LRRIQ3: variants seen among roughly 807,000 people sequenced by gnomAD.
LRRIQ3 encodes leucine rich repeats and IQ motif containing 3.
A neutral mutation model predicts 59.3 loss-of-function variants in LRRIQ3; 75 were observed. The ratio of observed to expected loss-of-function variants is 1.26; its 90% CI spans 1.05 to 1.53. LRRIQ3 has a LOEUF of 1.53. Ranked by LOEUF, LRRIQ3 falls within the 40% of genes most tolerant of loss-of-function variation. The pLI is 0.00. For synonymous variants in LRRIQ3, 250 were observed against 231.3 expected (o/e 1.08, Z -0.73); for missense variants, 831 against 710.0 (o/e 1.17, Z -1.94).
chr1:74,154,240 C>CAAAAAAAAAAAAAAAAAAAAAAA lies in LRRIQ3; in HGVS notation c.707+1470_707+1492dup, dbSNP rs71078186. Among the ~76,000 whole-genome samples the CAAAAAAAAAAAAAAAAAAAAAAA allele has an allele frequency of 5.4e-4, 31 of 57,278 alleles. 3 individuals carry two copies. The highest frequency in any genetic ancestry group is 6.7e-4 in the Non-Finnish European group (22 of 33,054). 37.6% of individuals were successfully genotyped at this position (57,278 alleles called of 152,430 possible). On this transcript the variant is annotated intron_variant, in intron 4 of 7. Coordinates refer to ENST00000354431, the MANE Select transcript of LRRIQ3 (RefSeq NM_001105659.2). The stretch of plus-strand genomic sequence containing the variant: ...TGGGCGACAGAGCGAGACTCCTTCT[C>CAAAAAAAAAAAAAAAAAAAAAAA]AAAAAAAAAAAAAAAAAAAAAAAAA...
chr1:74,116,815 TATG>T (rs1259141919), intron 4 of LRRIQ3, among the ~76,000 whole-genome samples: 7 of 152,166 alleles, frequency 4.6e-5, no homozygotes, highest in African/African-American at 1.4e-4. Context: ...ATTAAGATTT[TATG>T]ATAATAGGTA....
chr1:74,180,571 C>A, intron 3 of LRRIQ3: 1 of 656,308 alleles, frequency 1.5e-6, no homozygotes, highest in Non-Finnish European at 2.4e-6. Context: ...CCCAGTTATC[C>A]AGCTTCAAAA....
intron 1 of LRRIQ3, among the ~76,000 whole-genome samples, chr1:74,184,954 A>G (rs1650260032): frequency 1.3e-5 from 2 of 152,332 alleles, no homozygotes; most frequent in African/African-American, 4.8e-5. Context: ...GCTTAAATTT[A>G]AGGTTCCTCC....
At chr1:74,179,247 T>C (rs1649833640) in intron 3 of LRRIQ3, among the ~76,000 whole-genome samples, 2 of 152,048 alleles carry the variant, frequency 1.3e-5, no homozygotes, top group South Asian at 2.1e-4. Flanking sequence ...TTTGATTTCG[T>C]ATAGCAAAGA....
intron 6 of LRRIQ3, among the ~76,000 whole-genome samples, chr1:74,056,899 C>G (rs907256229): frequency 4.6e-5 from 7 of 152,094 alleles, no homozygotes; most frequent in Non-Finnish European, 1.0e-4. Flanking sequence ...CCATGCTGTT[C>G]TCATGATAAT....
intron 6 of LRRIQ3, among the ~76,000 whole-genome samples, chr1:74,062,653 C>T (rs973120958): frequency 9.9e-5 from 15 of 152,128 alleles, no homozygotes; most frequent in African/African-American, 3.6e-4. Flanking sequence ...TACCATGCAG[C>T]CATGAAAAAG....
intron 4 of LRRIQ3, among the ~76,000 whole-genome samples, chr1:74,126,992 T>G (rs1646944686): frequency 6.6e-6 from 1 of 151,962 alleles, no homozygotes; most frequent in Admixed American, 6.6e-5. Context: ...TAGCTCCCTC[T>G]TTTTCTCTAA....
At position 74,137,321 on chromosome 1, in the gene LRRIQ3, G is replaced by A. The variant is rs144167506; in HGVS notation, c.707+18412C>T. Among the ~76,000 whole-genome samples, 446 of 151,680 alleles carry A rather than the reference G, an allele frequency of 2.9e-3. 1 individual carries two copies. Among genetic ancestry groups the A allele is most frequent in the African/African-American group, 0.01 (420 of 41,392 alleles). On this transcript the variant is annotated intron_variant, in intron 4 of 7. Transcript: ENST00000354431. ...ACTTCTCAAAAGAAGACATTTATGCGGCCAAAATACATATGAAAAAAAGCT... is the reference window on the plus strand; with the variant it reads ...ACTTCTCAAAAGAAGACATTTATGCAGCCAAAATACATATGAAAAAAAGCT...
At chr1:74,195,083 A>G (rs1394035289) in intron 1 of LRRIQ3, among the ~76,000 whole-genome samples, 7 of 152,326 alleles carry the variant, frequency 4.6e-5, no homozygotes, top group African/African-American at 1.7e-4. Flanking sequence ...CACTACAGAA[A>G]GTTGAGGGGT....
rs150078074 is a variant in LRRIQ3, at chr1:74,150,090, C to T, written c.707+5643G>A. Among the ~76,000 whole-genome samples the T allele has an allele frequency of 1.7e-3, 255 of 152,224 alleles. 2 individuals are homozygous for T. The highest frequency in any genetic ancestry group is 5.7e-3 in the African/African-American group (237 of 41,516). On this transcript the variant is annotated intron_variant, in intron 4 of 7. Transcript: ENST00000354431. ...TTGCTGTTATAATCAGGAGATGTGC[C>T]CCTTTCTGCCATTCAGTATTGCCTG...
intron 5 of LRRIQ3, among the ~76,000 whole-genome samples, chr1:74,103,960 C>A (rs1343200267): frequency 6.6e-6 from 1 of 151,960 alleles, no homozygotes; most frequent in Non-Finnish European, 1.5e-5. Flanking sequence ...AAATGCACTC[C>A]TGTGCTACGC....
chr1:74,153,907 A>T (rs1648139319), intron 4 of LRRIQ3, among the ~76,000 whole-genome samples: 1 of 152,142 alleles, frequency 6.6e-6, no homozygotes, highest in Admixed American at 6.5e-5. Flanking sequence ...CATGGGGCCA[A>T]ATAACACAGA....
chr1:74,113,148 T>TA lies in LRRIQ3; in HGVS notation c.708-3596dup, dbSNP rs200680854. Among the ~76,000 whole-genome samples, 182 of 151,230 alleles carry TA rather than the reference T, an allele frequency of 1.2e-3. 2 individuals are homozygous for TA. The highest frequency in any genetic ancestry group is 6.3e-4 in the South Asian group (3 of 4,788). On this transcript the variant is annotated intron_variant, in intron 4 of 7. Coordinates refer to ENST00000354431, the MANE Select transcript of LRRIQ3 (RefSeq NM_001105659.2). ...TATCAGTGAAGACATAAAAATAATT[T>TA]AAAAAAAACCAAAAATTTTGCAACT...
At chr1:74,152,214 T>C (rs1436888581) in intron 4 of LRRIQ3, among the ~76,000 whole-genome samples, 2 of 151,962 alleles carry the variant, frequency 1.3e-5, no homozygotes, top group Non-Finnish European at 2.9e-5. Context: ...ACTAATTTTA[T>C]ATATAAAGAC....
At chr1:74,128,910 T>C (rs1019469819) in intron 4 of LRRIQ3, among the ~76,000 whole-genome samples, 3 of 152,072 alleles carry the variant, frequency 2.0e-5, no homozygotes, top group African/African-American at 7.2e-5. Flanking sequence ...GGAAGAATTA[T>C]CTGGATTGCA....
At chr1:74,197,090 T>A (rs1311993233) in intron 1 of LRRIQ3, among the ~76,000 whole-genome samples, 1 of 152,246 alleles carries the variant, frequency 6.6e-6, no homozygotes, top group African/African-American at 2.4e-5. Flanking sequence ...TACTGTTTTT[T>A]TAATTAATGA....
intron 5 of LRRIQ3, among the ~76,000 whole-genome samples, chr1:74,100,407 A>C (rs953213589): frequency 1.6e-4 from 24 of 152,320 alleles, no homozygotes; most frequent in African/African-American, 5.5e-4. Context: ...AAAATAAAAG[A>C]GGACACAAAC....
chr1:74,166,964 G>C (rs1649027841), intron 3 of LRRIQ3, among the ~76,000 whole-genome samples: 1 of 151,856 alleles, frequency 6.6e-6, no homozygotes, highest in South Asian at 2.1e-4. Flanking sequence ...CGCTGGCGTG[G>C]ATGTGGTGAA....
chr1:74,139,150 G>A (rs1162220183), intron 4 of LRRIQ3, among the ~76,000 whole-genome samples: 2 of 150,828 alleles, frequency 1.3e-5, no homozygotes, highest in African/African-American at 4.9e-5. Context: ...ACATGTGTGT[G>A]TGTATATATA....
Sources: allele counts gnomAD v4.1 joint callset (sites outside exome capture counted in the v4.1 genomes callset), GRCh38; gene constraint gnomAD v4.1.1; transcripts MANE v1.5; gene names NCBI Gene and HGNC (gene_info 2026-07-23, HGNC 2026-07-21).